CACNG8: variants seen among roughly 807,000 people sequenced by gnomAD.
CACNG8 encodes voltage-dependent calcium channel gamma-8 subunit.
In CACNG8, 5 loss-of-function variants were observed where a neutral mutation model predicts 26.9. The observed-to-expected ratio is 0.19, with a 90% CI of 0.10 to 0.39. The LOEUF (loss-of-function observed/expected upper bound fraction) is 0.39, where lower values mean the gene tolerates loss of function less well. CACNG8 is among the 10% of genes least tolerant of loss of function. The pLI is 1.00. For synonymous variants in CACNG8, 321 were observed against 296.7 expected, an observed-to-expected ratio of 1.08 and a Z score of -0.84; for missense variants, 473 against 609.4, an observed-to-expected ratio of 0.78 and a Z score of 2.36.
intron 1 of CACNG8, among the ~76,000 whole-genome samples, chr19:53,972,234 G>C (rs1019177335): frequency 6.6e-6 from 1 of 151,952 alleles, no homozygotes; most frequent in Non-Finnish European, 1.5e-5. Context: ...GACCTCAGGT[G>C]ATCTGCCCAC....
intron 1 of CACNG8, among the ~76,000 whole-genome samples, chr19:53,975,466 TC>T (rs2069325672): frequency 6.6e-6 from 1 of 152,008 alleles, no homozygotes; most frequent in Non-Finnish European, 1.5e-5. Context: ...TGCAACCTCC[TC>T]TTCCCAGATT....
rs2069426410 is a variant in CACNG8 at position 53,989,322 on chromosome 19, C to T, written c.*6473C>T. ...TAAAGTCAAAGACAAGAAGGTGATA[C>T]AGAGAAGACAGAAAAGGAGGAGGAG... On this transcript the variant is annotated 3_prime_UTR_variant, in exon 4 of 4. Transcript: ENST00000270458. The T allele has an allele frequency of 6.6e-6, 1 of 152,430 alleles. No homozygotes were observed. Among genetic ancestry groups the T allele is most frequent in the Non-Finnish European group, 1.5e-5 (1 of 68,104 alleles). The allele number at this position is 152,430 out of a possible 1,614,324, so 9.4% of individuals were successfully genotyped here.
chr19:53,966,609 G>T (rs1291704463), intron 1 of CACNG8, among the ~76,000 whole-genome samples: 1 of 151,890 alleles, frequency 6.6e-6, no homozygotes, highest in Non-Finnish European at 1.5e-5. Context: ...GCCCAGGCTG[G>T]TCTCAAACTC....
At position 53,978,159 on chromosome 19, in the gene CACNG8, C is replaced by A. The variant is rs754159629; in HGVS notation, c.297C>A (p.Gly99=). 2 of 1,612,686 alleles carry A rather than the reference C, an allele frequency of 1.2e-6. No individual in the cohort carries two copies. The highest frequency in any genetic ancestry group is 1.7e-5 in the Admixed American group (1 of 59,942). ...CCGCTCCTCCAGGGTTGAAAAGAGG[C>A]GTCTGCGTGAAGATCAATCATTTCC... The change falls in exon 2 of 4, where the codon GGC becomes GGA. Residue 99 remains glycine (G), a synonymous_variant. Transcript: ENST00000270458.
intron 1 of CACNG8, among the ~76,000 whole-genome samples, chr19:53,968,393 A>G (rs370970294): frequency 2.0e-5 from 3 of 151,876 alleles, no homozygotes; most frequent in Admixed American, 6.6e-5. Context: ...CAAAAAAAAA[A>G]AGAGAGAGAA....
In CACNG8 at chr19:53,963,323, G is replaced by A. The variant is rs994569352; in HGVS notation, c.181G>A (p.Gly61Ser). Residue 61 changes from glycine (G) to serine (S), a missense_variant, in exon 1 of 4, where the codon GGC becomes AGC. Physicochemically the swap from Gly to Ser is moderately conservative, Grantham distance 56. Around this residue, in one of 6 missense-constraint regions of CACNG8, gnomAD observed 69 missense variants for 66.7 expected, o/e 1.03. Transcript: ENST00000270458. Reference sequence around the variant, plus strand: ...CAACACCACCAACCTCACGGCCGGCGGCGACGACGGGACCCCCCACCGCGG... The same window carrying A: ...CAACACCACCAACCTCACGGCCGGCAGCGACGACGGGACCCCCCACCGCGG... 6 of 1,602,104 alleles carry A rather than the reference G, an allele frequency of 3.7e-6. No homozygotes were observed. In the African/African-American group the frequency reaches 6.7e-5, roughly 18 times the overall value.
intron 1 of CACNG8, among the ~76,000 whole-genome samples, chr19:53,966,418 CT>C (rs1455243485): frequency 2.0e-5 from 3 of 151,864 alleles, no homozygotes; most frequent in Middle Eastern, 3.4e-3. Context: ...TTTTGTTTTT[CT>C]TTTTTTGTTT....
Position 53,974,802 on chromosome 19 carries a change from C to A in CACNG8, c.284-3344C>A, listed in dbSNP as rs536654679. Among the ~76,000 whole-genome samples, 41 of 151,324 alleles carry A rather than the reference C, an allele frequency of 2.7e-4. 1 individual carries two copies. The South Asian group carries it at 6.3e-3, about 23-fold the overall frequency. On this transcript the variant is annotated intron_variant, in intron 1 of 3. Coordinates refer to ENST00000270458, the MANE Select transcript of CACNG8 (RefSeq NM_031895.6). ...GACTATAGGCACACACCACCATGCC[C>A]AGCTAATTTTTGTATTTTTAGTAGA...
chr19:53,977,830 T>C (rs2069339000), intron 1 of CACNG8, among the ~76,000 whole-genome samples: 1 of 152,128 alleles, frequency 6.6e-6, no homozygotes, highest in East Asian at 1.9e-4. Flanking sequence ...GAGCCGGAAG[T>C]CCAGAGTGCT....
intron 1 of CACNG8, among the ~76,000 whole-genome samples, chr19:53,976,738 C>T (rs1275541218): frequency 6.6e-6 from 1 of 151,752 alleles, no homozygotes; most frequent in Non-Finnish European, 1.5e-5. Context: ...AATGGTGCAG[C>T]CTTGGCTCAC....
At chr19:53,968,211 C>T (rs1464617256) in intron 1 of CACNG8, among the ~76,000 whole-genome samples, 1 of 151,802 alleles carries the variant, frequency 6.6e-6, no homozygotes, top group Non-Finnish European at 1.5e-5. Context: ...CTTGTCTCTA[C>T]AAATAATTTA....
rs1418868422 is a variant in CACNG8 at position 53,982,207 on chromosome 19, G to T, written c.636G>T (p.Ser212=). ...GGTCCTTCTACTTCGGCGGGCTGTC[G>T]TTCATCCTGGCCGAGGTGATAGGCG... Residue 212 remains serine, a synonymous_variant, in exon 4 of 4, where the codon TCG becomes TCT. Coordinates refer to ENST00000270458, the MANE Select transcript of CACNG8 (RefSeq NM_031895.6). The surrounding 1 kb of genome is among the most constrained non-coding windows in gnomAD (Gnocchi z 8.4). 6.2e-7 allele frequency: 1 copy of T among 1,613,086 alleles called. No homozygotes were observed. Among genetic ancestry groups the T allele is most frequent in the Non-Finnish European group, 8.5e-7 (1 of 1,179,744 alleles).
intron 1 of CACNG8, among the ~76,000 whole-genome samples, chr19:53,968,230 C>A (rs1299919031): frequency 2.0e-5 from 3 of 151,832 alleles, no homozygotes. Flanking sequence ...TAAAAATTAG[C>A]TGGAAGTGCT....
intron 3 of CACNG8, among the ~76,000 whole-genome samples, chr19:53,981,294 G>T (rs541283652): frequency 6.6e-6 from 1 of 152,152 alleles, no homozygotes; most frequent in African/African-American, 2.4e-5. Context: ...AGACTAACTA[G>T]GGCAGGGCCT....
Position 53,982,474 on chromosome 19 carries a change from C to T in CACNG8, c.903C>T (p.Ser301=). The change falls in exon 4 of 4, where the codon TCC becomes TCT. Residue 301 remains serine, a synonymous_variant. Coordinates refer to ENST00000270458, the MANE Select transcript of CACNG8 (RefSeq NM_031895.6). This position sits in a 1 kb window ranked among gnomAD's most constrained non-coding sequence, Gnocchi z 8.4. ...GCCCCGGGGGCCCGGGCTTTGCCTCCACGGACATCTCCATGTACACGCTCA... is the reference window on the plus strand; with the variant it reads ...GCCCCGGGGGCCCGGGCTTTGCCTCTACGGACATCTCCATGTACACGCTCA... 1.3e-6 allele frequency: 2 copies of T among 1,513,852 alleles called. No individual in the cohort carries two copies. The highest frequency in any genetic ancestry group is 1.2e-5 in the South Asian group (1 of 81,598). The allele number at this position is 1,513,852 out of a possible 1,614,324, so 93.8% of individuals were successfully genotyped here. A position where few individuals can be genotyped will look rare whatever the true frequency, so the allele number is the denominator to read the frequency against.
chr19:53,982,094 A>G lies in CACNG8; in HGVS notation c.523A>G (p.Ile175Val), dbSNP rs767935825. 1 of 1,592,580 alleles carries G rather than the reference A, an allele frequency of 6.3e-7. No individual in the cohort carries two copies. Reference sequence around the variant, plus strand: ...TCCCCGCCCAGGCCTGAGCAACATCATCGGCGTGATCGTGTACATCTCCGC... The same window carrying G: ...TCCCCGCCCAGGCCTGAGCAACATCGTCGGCGTGATCGTGTACATCTCCGC... The change falls in exon 4 of 4, where the codon ATC becomes GTC. Residue 175 changes from isoleucine (I) to valine (V), a missense_variant. Physicochemically the swap from Ile to Val is conservative, Grantham distance 29. This residue lies in a region of CACNG8 where 155 missense variants were observed against 253.0 expected (regional missense o/e 0.61). Coordinates refer to ENST00000270458, the MANE Select transcript of CACNG8 (RefSeq NM_031895.6). This position sits in a 1 kb window ranked among gnomAD's most constrained non-coding sequence, Gnocchi z 8.4.
intron 1 of CACNG8, among the ~76,000 whole-genome samples, chr19:53,963,810 T>TTC (rs2069257105): frequency 6.8e-6 from 1 of 147,402 alleles, no homozygotes; most frequent in East Asian, 2.0e-4. Flanking sequence ...TTCTCTTTTT[T>TTC]TTTTTTTTTT....
At chr19:53,974,036 A>T (rs1363094464) in intron 1 of CACNG8, among the ~76,000 whole-genome samples, 1 of 152,210 alleles carries the variant, frequency 6.6e-6, no homozygotes, top group Non-Finnish European at 1.5e-5. Flanking sequence ...GCATTTCAGT[A>T]GTGGTAAGTG....
At position 53,979,320 on chromosome 19, in the gene CACNG8, GAGA is replaced by G. The variant is rs1052921120; in HGVS notation, c.368-541_368-539del. ...AAACTGGGTGGGGTGGGGGCGTGAGGAGAAGAAGGGAAGAGAAACTCAGAAGTA... is the reference window on the plus strand; with the variant it reads ...AAACTGGGTGGGGTGGGGGCGTGAGGAGAAGGGAAGAGAAACTCAGAAGTA... On this transcript the variant is annotated intron_variant, in intron 2 of 3. Transcript: ENST00000270458. Among the ~76,000 whole-genome samples the G allele has an allele frequency of 9.2e-5, 14 of 151,962 alleles. No individual in the cohort carries two copies. In the East Asian group the frequency reaches 2.5e-3, roughly 27 times the overall value.
Sources: allele counts gnomAD v4.1 joint callset (sites outside exome capture counted in the v4.1 genomes callset), GRCh38; gene constraint gnomAD v4.1.1; regional missense constraint gnomAD v4.1.1; non-coding constraint Gnocchi (gnomAD v3.1); transcripts MANE v1.5; gene names NCBI Gene and HGNC (gene_info 2026-07-23, HGNC 2026-07-21).